RAD51B: variants seen among roughly 807,000 people sequenced by gnomAD.
RAD51B encodes RAD51 paralog B, also known as DNA repair protein RAD51 homolog 2.
A neutral mutation model predicts 42.2 loss-of-function variants in RAD51B; 38 were observed. The ratio of observed to expected loss-of-function variants is 0.90; its 90% CI spans 0.70 to 1.18. RAD51B has a LOEUF of 1.18. Ranked by LOEUF, RAD51B falls within the 50% of genes most tolerant of loss-of-function variation. The pLI, the probability that RAD51B is intolerant of heterozygous loss-of-function variation, is 0.00. For synonymous variants in RAD51B, 154 were observed against 145.2 expected (o/e 1.06, Z -0.43); for missense variants, 373 against 400.7 (o/e 0.93, Z 0.59).
At chr14:67,923,943 A>G (rs1311360168) in intron 7 of RAD51B, among the ~76,000 whole-genome samples, 1 of 152,104 alleles carries the variant, frequency 6.6e-6, no homozygotes, top group Non-Finnish European at 1.5e-5. Context: ...GTGGTATCAC[A>G]TTGTGGTTTG....
At chr14:68,425,305 A>G (rs1211182258) in intron 9 of RAD51B, among the ~76,000 whole-genome samples, 1 of 152,200 alleles carries the variant, frequency 6.6e-6, no homozygotes, top group Admixed American at 6.5e-5. Flanking sequence ...TGCGGTTTGA[A>G]TGTGTCTCCA....
At chr14:68,207,987 G>A (rs2079627497) in intron 7 of RAD51B, among the ~76,000 whole-genome samples, 1 of 151,886 alleles carries the variant, frequency 6.6e-6, no homozygotes, top group South Asian at 2.1e-4. Context: ...CTAACTGCAG[G>A]CTAAGCAAGT....
chr14:68,205,157 A>G lies in RAD51B; in HGVS notation c.757-86727A>G, dbSNP rs943517721. ...ATAAAATGTATTAATTCACTATTCA[A>G]TTTTTTTAAGTTCTAAGAAGTTAGA... On this transcript the variant is annotated intron_variant, in intron 7 of 10. Transcript: ENST00000471583. Among the ~76,000 whole-genome samples the G allele has an allele frequency of 5.3e-5, 8 of 152,098 alleles. No homozygotes were observed. The East Asian group carries it at 1.2e-3, about 22-fold the overall frequency.
At chr14:67,828,591 C>T (rs113826030) in intron 3 of RAD51B, among the ~76,000 whole-genome samples, 1 of 152,006 alleles carries the variant, frequency 6.6e-6, no homozygotes, top group Non-Finnish European at 1.5e-5. Context: ...AGATTTTCTT[C>T]AAGGTTTTGT....
intron 3 of RAD51B, among the ~76,000 whole-genome samples, chr14:67,834,238 C>T (rs2041154963): frequency 1.3e-5 from 2 of 152,148 alleles, no homozygotes; most frequent in African/African-American, 4.8e-5. Flanking sequence ...CTCTGCCTCT[C>T]TTATTAGTGT....
intron 9 of RAD51B, among the ~76,000 whole-genome samples, chr14:68,423,245 C>G (rs1160066769): frequency 1.3e-5 from 2 of 152,144 alleles, no homozygotes; most frequent in Non-Finnish European, 2.9e-5. Flanking sequence ...CAGAAAGAGG[C>G]TCATCTTTAC....
intron 9 of RAD51B, among the ~76,000 whole-genome samples, chr14:68,414,905 A>G (rs992898177): frequency 2.4e-4 from 36 of 148,592 alleles, no homozygotes; most frequent in African/African-American, 8.2e-4. Flanking sequence ...GGTGGCGCAT[A>G]CCTGTAGTCC....
At chr14:68,079,806 A>G (rs956791342) in intron 7 of RAD51B, among the ~76,000 whole-genome samples, 1 of 152,312 alleles carries the variant, frequency 6.6e-6, no homozygotes. Flanking sequence ...ATCTGTTTTC[A>G]AGAAAGATTT....
intron 7 of RAD51B, among the ~76,000 whole-genome samples, chr14:67,951,997 A>G (rs1297935414): frequency 7.3e-6 from 1 of 137,304 alleles, no homozygotes; most frequent in Non-Finnish European, 1.5e-5. Flanking sequence ...AACTAATACA[A>G]AAAATTCTTC....
chr14:68,068,523 T>C (rs1248342922), intron 7 of RAD51B, among the ~76,000 whole-genome samples: 3 of 152,222 alleles, frequency 2.0e-5, no homozygotes, highest in Admixed American at 1.3e-4. Flanking sequence ...CATCAATTGA[T>C]AGAAATTTGG....
At chr14:68,515,623 T>C (rs1208969827) in intron 10 of RAD51B, among the ~76,000 whole-genome samples, 1 of 151,376 alleles carries the variant, frequency 6.6e-6, no homozygotes, top group East Asian at 1.9e-4. Flanking sequence ...TTTTTTTTTT[T>C]TCTTTTAGAG....
chr14:68,640,385 T>C (rs1462347716), intron 10 of RAD51B, among the ~76,000 whole-genome samples: 1 of 152,234 alleles, frequency 6.6e-6, no homozygotes, highest in Non-Finnish European at 1.5e-5. Context: ...GACTGGTAGC[T>C]ACTTTTCCAT....
chr14:68,034,237 C>T (rs72725168), intron 7 of RAD51B, among the ~76,000 whole-genome samples: 26,205 of 151,314 alleles, frequency 0.17, 2,434 homozygotes, highest in Middle Eastern at 0.35. Flanking sequence ...AGATTAGACA[C>T]GTTTTAAGAT....
chr14:68,674,532 TG>T (rs1351610495), intron 11 of RAD51B, among the ~76,000 whole-genome samples: 1 of 151,964 alleles, frequency 6.6e-6, no homozygotes, highest in African/African-American at 2.4e-5. Flanking sequence ...TAACATATAA[TG>T]TTACCAATTT....
chr14:68,210,352 C>T (rs568506713), intron 7 of RAD51B, among the ~76,000 whole-genome samples: 5 of 152,166 alleles, frequency 3.3e-5, no homozygotes, highest in Admixed American at 6.5e-5. Flanking sequence ...TACACCATGC[C>T]TGAAGCAAAT....
At chr14:68,620,711 A>G (rs1324418758) in intron 10 of RAD51B, among the ~76,000 whole-genome samples, 1 of 152,220 alleles carries the variant, frequency 6.6e-6, no homozygotes, top group Non-Finnish European at 1.5e-5. Context: ...CCTATTCTCA[A>G]GTGAATCTAA....
intron 10 of RAD51B, among the ~76,000 whole-genome samples, chr14:68,484,309 T>C (rs1883433372): frequency 6.6e-6 from 1 of 152,070 alleles, no homozygotes; most frequent in South Asian, 2.1e-4. Context: ...CCTACCTGCA[T>C]GAAACTTGTA....
At chr14:68,500,391 G>A (rs979207811) in intron 10 of RAD51B, among the ~76,000 whole-genome samples, 1 of 152,244 alleles carries the variant, frequency 6.6e-6, no homozygotes, top group African/African-American at 2.4e-5. Flanking sequence ...TGCTGGTGGA[G>A]CCAGACCTTG....
At chr14:68,124,811 G>T (rs550403315) in intron 7 of RAD51B, among the ~76,000 whole-genome samples, 71 of 152,046 alleles carry the variant, frequency 4.7e-4, no homozygotes, top group African/African-American at 1.6e-3. Flanking sequence ...GATTAGCTGG[G>T]CATGGCGGGC....
Sources: allele counts gnomAD v4.1 joint callset (sites outside exome capture counted in the v4.1 genomes callset), GRCh38; gene constraint gnomAD v4.1.1; transcripts MANE v1.5; gene names NCBI Gene and HGNC (gene_info 2026-07-23, HGNC 2026-07-21).